SNTG1: variants seen among roughly 807,000 people sequenced by gnomAD.
SNTG1 encodes the protein gamma-1-syntrophin.
In SNTG1, 39 loss-of-function variants were observed where a neutral mutation model predicts 74.7. The ratio of observed to expected loss-of-function variants is 0.52; its 90% CI spans 0.40 to 0.68. SNTG1 has a LOEUF of 0.68. SNTG1 is among the 30% of genes least tolerant of loss of function. SNTG1 has a pLI of 0.00. For synonymous variants in SNTG1, 254 were observed against 217.1 expected, an observed-to-expected ratio of 1.17 and a Z score of -1.49; for missense variants, 685 against 609.5, an observed-to-expected ratio of 1.12 and a Z score of -1.30.
At chr8:49,982,495 CAT>C (rs1383591238) in intron 1 of SNTG1, among the ~76,000 whole-genome samples, 1 of 150,536 alleles carries the variant, frequency 6.6e-6, no homozygotes, top group Non-Finnish European at 1.5e-5. Context: ...CAAAATATCA[CAT>C]ATATGTATAC....
intron 2 of SNTG1, among the ~76,000 whole-genome samples, chr8:50,273,469 T>A (rs534107729): frequency 1.6e-4 from 24 of 152,316 alleles, no homozygotes; most frequent in Middle Eastern, 3.4e-3. Context: ...CTCTTGAGCT[T>A]ATACTCAGGA....
At chr8:50,303,164 G>A (rs527948624) in intron 2 of SNTG1, among the ~76,000 whole-genome samples, 2 of 152,170 alleles carry the variant, frequency 1.3e-5, no homozygotes, top group South Asian at 4.1e-4. Context: ...TCTCTAAGAC[G>A]AGGACTTTTT....
chr8:50,668,751 G>A (rs1291480811), intron 15 of SNTG1, among the ~76,000 whole-genome samples: 1 of 151,704 alleles, frequency 6.6e-6, no homozygotes, highest in Non-Finnish European at 1.5e-5. Context: ...ACATGTCAGT[G>A]ATAGTTTGCT....
intron 2 of SNTG1, among the ~76,000 whole-genome samples, chr8:50,265,383 C>T (rs1048516787): frequency 6.6e-6 from 1 of 151,966 alleles, no homozygotes; most frequent in Non-Finnish European, 1.5e-5. Context: ...ACCGGATTTT[C>T]TTAATAGATG....
At chr8:50,745,548 C>T (rs1246196496) in intron 17 of SNTG1, among the ~76,000 whole-genome samples, 1 of 151,966 alleles carries the variant, frequency 6.6e-6, no homozygotes, top group Non-Finnish European at 1.5e-5. Flanking sequence ...AACAGTGCAG[C>T]TTCTCAGTAT....
At chr8:50,162,656 C>G (rs1038930071) in intron 1 of SNTG1, among the ~76,000 whole-genome samples, 2 of 151,928 alleles carry the variant, frequency 1.3e-5, no homozygotes, top group Non-Finnish European at 2.9e-5. Context: ...CCCGCTGGAT[C>G]TCCAGTTGAG....
At chr8:50,464,859 AT>A (rs2093595723) in intron 8 of SNTG1, among the ~76,000 whole-genome samples, 1 of 151,742 alleles carries the variant, frequency 6.6e-6, no homozygotes, top group Non-Finnish European at 1.5e-5. Context: ...AAAAGTATCC[AT>A]TTTTCAAGCA....
At chr8:49,949,443 C>T (rs1809505527) in intron 1 of SNTG1, among the ~76,000 whole-genome samples, 1 of 151,984 alleles carries the variant, frequency 6.6e-6, no homozygotes, top group African/African-American at 2.4e-5. Flanking sequence ...AGACCACTCT[C>T]TTTTTTTTCT....
intron 2 of SNTG1, among the ~76,000 whole-genome samples, chr8:50,299,902 T>C (rs1472148738): frequency 6.6e-6 from 1 of 152,154 alleles, no homozygotes; most frequent in Non-Finnish European, 1.5e-5. Flanking sequence ...TGATATTACC[T>C]AAATGCTTTC....
Position 50,118,610 on chromosome 8 carries a change from T to A in SNTG1, c.-102-53951T>A, listed in dbSNP as rs1334155798. Among the ~76,000 whole-genome samples the A allele has an allele frequency of 2.3e-4, 23 of 99,762 alleles. 5 individuals are homozygous for A. Among genetic ancestry groups the A allele is most frequent in the Non-Finnish European group, 4.7e-5 (2 of 42,220 alleles). The allele number at this position is 99,762 out of a possible 152,430, so 65.4% of individuals were successfully genotyped here. A position where few individuals can be genotyped will look rare whatever the true frequency, so the allele number is the denominator to read the frequency against. On this transcript the variant is annotated intron_variant, in intron 1 of 18. Transcript: ENST00000642720. ...GGAGTTCACCGAAAGGCTCAGCTCTTCTCTCCATTCCCTGTGGACCCCAAA... is the reference window on the plus strand; with the variant it reads ...GGAGTTCACCGAAAGGCTCAGCTCTACTCTCCATTCCCTGTGGACCCCAAA...
At chr8:50,101,242 A>G (rs2080113130) in intron 1 of SNTG1, among the ~76,000 whole-genome samples, 1 of 152,138 alleles carries the variant, frequency 6.6e-6, no homozygotes, top group Admixed American at 6.6e-5. Context: ...CAATGAACAT[A>G]CACATGCGTC....
chr8:50,154,220 C>T lies in SNTG1; in HGVS notation c.-102-18341C>T, dbSNP rs532739992. 6.6e-5 allele frequency among the ~76,000 whole-genome samples: 10 copies of T among 152,240 alleles called. No individual in the cohort carries two copies. In the South Asian group the frequency reaches 2.1e-3, roughly 32 times the overall value. On this transcript the variant is annotated intron_variant, in intron 1 of 18. Transcript: ENST00000642720. ...CGGTACCCCTCTGTGGGTGTGGGACCCCCCAAGCCAGGCATGGGATATAAT... is the reference window on the plus strand; with the variant it reads ...CGGTACCCCTCTGTGGGTGTGGGACTCCCCAAGCCAGGCATGGGATATAAT...
At chr8:50,010,040 C>CT (rs1815623687) in intron 1 of SNTG1, among the ~76,000 whole-genome samples, 1 of 151,908 alleles carries the variant, frequency 6.6e-6, no homozygotes, top group African/African-American at 2.4e-5. Context: ...TTTGTTTTTC[C>CT]TTTTTATCAA....
intron 2 of SNTG1, among the ~76,000 whole-genome samples, chr8:50,252,372 A>T (rs928422495): frequency 6.6e-6 from 1 of 152,168 alleles, no homozygotes; most frequent in Non-Finnish European, 1.5e-5. Context: ...GACCTAAATA[A>T]ACAAAATAGA....
At chr8:50,334,211 C>A (rs79748760) in intron 2 of SNTG1, among the ~76,000 whole-genome samples, 1 of 152,124 alleles carries the variant, frequency 6.6e-6, no homozygotes, top group African/African-American at 2.4e-5. Context: ...GCACATTTTT[C>A]TAAATCAAGC....
At chr8:50,400,504 T>G (rs1257958892) in intron 3 of SNTG1, among the ~76,000 whole-genome samples, 1 of 152,192 alleles carries the variant, frequency 6.6e-6, no homozygotes, top group African/African-American at 2.4e-5. Context: ...ACATACTCAT[T>G]TCATTTCCTT....
intron 2 of SNTG1, among the ~76,000 whole-genome samples, chr8:50,334,442 T>TC (rs2091071802): frequency 6.6e-6 from 1 of 151,790 alleles, no homozygotes; most frequent in African/African-American, 2.4e-5. Flanking sequence ...GATGAGTTTC[T>TC]CCCCTGTAAT....
intron 15 of SNTG1, among the ~76,000 whole-genome samples, chr8:50,685,949 C>T (rs888863711): frequency 6.6e-6 from 1 of 152,078 alleles, no homozygotes; most frequent in African/African-American, 2.4e-5. Context: ...GTTATAGAGA[C>T]ATGTGTGTGT....
At chr8:49,991,222 A>G (rs1161745478) in intron 1 of SNTG1, among the ~76,000 whole-genome samples, 2 of 152,196 alleles carry the variant, frequency 1.3e-5, no homozygotes, top group Admixed American at 6.5e-5. Context: ...CCAGTTGCAA[A>G]TCAAAACCAC....
Sources: allele counts gnomAD v4.1 joint callset (sites outside exome capture counted in the v4.1 genomes callset), GRCh38; gene constraint gnomAD v4.1.1; transcripts MANE v1.5; gene names NCBI Gene and HGNC (gene_info 2026-07-23, HGNC 2026-07-21).